Variants in ATP1A3 observed in about 807,000 individuals in gnomAD.
ATP1A3 encodes ATPase Na+/K+ transporting subunit alpha 3, also known as sodium/potassium-transporting ATPase subunit alpha-3.
In ATP1A3, 12 loss-of-function variants were observed where a neutral mutation model predicts 108.8. The ratio of observed to expected loss-of-function variants is 0.11; its 90% CI spans 0.07 to 0.18. The LOEUF (loss-of-function observed/expected upper bound fraction) is 0.18. Ranked by LOEUF, ATP1A3 falls within the 10% of genes least tolerant of loss-of-function variation. ATP1A3 has a pLI of 1.00. For synonymous variants in ATP1A3, 539 were observed against 564.5 expected, an observed-to-expected ratio of 0.95 and a Z score of 0.64; for missense variants, 498 against 1,387.7, an observed-to-expected ratio of 0.36 and a Z score of 10.19.
intron 4 of ATP1A3, among the ~76,000 whole-genome samples, chr19:41,987,042 C>T (rs1250131694): frequency 6.6e-6 from 1 of 152,212 alleles, no homozygotes. Context: ...CCATGCCCGA[C>T]TTGTCCATCT....
In ATP1A3 at chr19:41,967,448, T is replaced by A; in HGVS notation, c.2922-108A>T. The A allele has an allele frequency of 7.4e-7, 1 of 1,356,826 alleles. No individual in the cohort carries two copies. Among genetic ancestry groups the A allele is most frequent in the Non-Finnish European group, 1.0e-6 (1 of 986,518 alleles). The allele number at this position is 1,356,826 out of a possible 1,614,324, so 84.0% of individuals were successfully genotyped here. On this transcript the variant is annotated intron_variant, in intron 21 of 22. Coordinates refer to ENST00000648268, the MANE Select transcript of ATP1A3 (RefSeq NM_152296.5). The surrounding 1 kb of genome is among the most constrained non-coding windows in gnomAD (Gnocchi z 4.2). ...GGCAGTCTCCCAGGATCCTTCGTGC[T>A]CACAGGTGGAGGGTGCCCTGGGCGG...
At chr19:41,993,769 G>T in intron 1 of ATP1A3, 1 of 608,636 alleles carries the variant, frequency 1.6e-6, no homozygotes, top group Non-Finnish European at 2.9e-6. Flanking sequence ...AGAGCCAGCA[G>T]CTCTCATACG....
chr19:41,991,911 G>A (rs1568869183), intron 1 of ATP1A3, among the ~76,000 whole-genome samples: 1 of 150,282 alleles, frequency 6.7e-6, no homozygotes, highest in Admixed American at 6.6e-5. Context: ...GGAGGGGCTG[G>A]GCCTGGACCC....
intron 11 of ATP1A3, among the ~76,000 whole-genome samples, chr19:41,979,731 G>A (rs925931326): frequency 9.9e-5 from 15 of 152,126 alleles, no homozygotes; most frequent in Admixed American, 9.8e-4. Context: ...AGAGATGTGG[G>A]GTTTCTTTTT....
Position 41,967,090 on chromosome 19 carries a change from C to T in ATP1A3, c.3014-125G>A. ...ACAAGGAAACCACACAGACAGAGAC[C>T]CGTGAGAAGACAGAGTGGGTGCCCG... On this transcript the variant is annotated intron_variant, in intron 22 of 22. Coordinates refer to ENST00000648268, the MANE Select transcript of ATP1A3 (RefSeq NM_152296.5). The surrounding 1 kb of genome is among the most constrained non-coding windows in gnomAD (Gnocchi z 4.2). 2 of 1,551,946 alleles carry T rather than the reference C, an allele frequency of 1.3e-6. No individual in the cohort carries two copies. The highest frequency in any genetic ancestry group is 1.7e-6 in the Non-Finnish European group (2 of 1,147,246).
intron 8 of ATP1A3, among the ~76,000 whole-genome samples, chr19:41,982,574 C>T (rs890169232): frequency 2.0e-5 from 3 of 151,224 alleles, no homozygotes; most frequent in East Asian, 1.9e-4. Context: ...TGCAGTGATC[C>T]GAAATCGTGA....
chr19:41,989,198 C>T (rs1555866566), intron 1 of ATP1A3, among the ~76,000 whole-genome samples: 1 of 152,124 alleles, frequency 6.6e-6, no homozygotes, highest in African/African-American at 2.4e-5. Flanking sequence ...CTTTAGCCTC[C>T]CAAACTGTTG....
intron 4 of ATP1A3, among the ~76,000 whole-genome samples, chr19:41,987,349 TGA>T (rs2075296494): frequency 6.6e-6 from 1 of 152,198 alleles, no homozygotes; most frequent in Non-Finnish European, 1.5e-5. Context: ...AGTGTGTGTG[TGA>T]GTTTCTCTGT....
chr19:41,974,124 G>A (rs1052520399), intron 16 of ATP1A3, among the ~76,000 whole-genome samples: 6 of 152,088 alleles, frequency 3.9e-5, no homozygotes, highest in Non-Finnish European at 7.4e-5. Context: ...CTAGCTACTC[G>A]GGAGGCTGAA....
At position 41,978,423 on chromosome 19, in the gene ATP1A3, T is replaced by A; in HGVS notation, c.1631-97A>T. On this transcript the variant is annotated intron_variant, in intron 12 of 22. Coordinates refer to ENST00000648268, the MANE Select transcript of ATP1A3 (RefSeq NM_152296.5). This position sits in a 1 kb window ranked among gnomAD's most constrained non-coding sequence, Gnocchi z 8.3. ...GCATCGCCCGCATTCCATCTCCCCA[T>A]CAGCAAGACGGCCAGTCAGCATTCA... is the stretch of plus-strand genomic sequence containing the variant. 6.7e-7 allele frequency: 1 copy of A among 1,495,884 alleles called. No homozygotes were observed. Among genetic ancestry groups the A allele is most frequent in the South Asian group, 1.2e-5 (1 of 83,420 alleles). 92.7% of individuals were successfully genotyped at this position (1,495,884 alleles called of 1,614,324 possible). A position where few individuals can be genotyped will look rare whatever the true frequency, so the allele number is the denominator to read the frequency against.
intron 14 of ATP1A3, 74 bp downstream of exon 14, chr19:41,977,862 T>A (rs1395638207): frequency 3.3e-5 from 52 of 1,573,806 alleles, no homozygotes; most frequent in Non-Finnish European, 4.5e-5. Context: ...CAGAGGGAGG[T>A]TGGGGGGAAG....
chr19:41,993,957 G>A, intron 1 of ATP1A3, 114 bp downstream of exon 1: 3 of 1,545,124 alleles, frequency 1.9e-6, no homozygotes, highest in African/African-American at 1.4e-5. Context: ...CCCGGGTCTC[G>A]CAGGCCTGGC....
At position 41,988,166 on chromosome 19, in the gene ATP1A3, C is replaced by T. The variant is rs1555866112; in HGVS notation, c.154-27G>A. The T allele has an allele frequency of 6.2e-7, 1 of 1,614,050 alleles. No individual in the cohort carries two copies. The highest frequency in any genetic ancestry group is 8.5e-7 in the Non-Finnish European group (1 of 1,179,958). On this transcript the variant is annotated intron_variant, in intron 3 of 22. Transcript: ENST00000648268. The surrounding 1 kb of genome is among the most constrained non-coding windows in gnomAD (Gnocchi z 5.3). ...TGAGGGACAGAGGACTCACACAGAA[C>T]CCTCCCTGGGCAACCCTGGCACCCC...
chr19:41,967,263 C>T lies in ATP1A3; in HGVS notation c.2999G>A (p.Arg1000His). 4 of 1,614,014 alleles carry T rather than the reference C, an allele frequency of 2.5e-6. No homozygotes were observed. The highest frequency in any genetic ancestry group is 2.2e-5 in the East Asian group (1 of 44,872). ...VYDEIRKLIL[R>H]RNPGGWVEKE... ...AGCTCCCTCACCCCCTGGGTTCCTGCGCAGGATGAGTTTGCGGATTTCGTC... is the reference window on the plus strand; with the variant it reads ...AGCTCCCTCACCCCCTGGGTTCCTGTGCAGGATGAGTTTGCGGATTTCGTC... Residue 1000 changes from arginine to histidine, a missense_variant, in exon 22 of 23, where the codon CGC becomes CAC. Coordinates refer to ENST00000648268, the MANE Select transcript of ATP1A3 (RefSeq NM_152296.5). The surrounding 1 kb of genome is among the most constrained non-coding windows in gnomAD (Gnocchi z 4.2).
chr19:41,991,403 T>C (rs1417856851), intron 1 of ATP1A3, among the ~76,000 whole-genome samples: 4 of 152,140 alleles, frequency 2.6e-5, no homozygotes, highest in Non-Finnish European at 4.4e-5. Context: ...GCAGCAGCAC[T>C]GCGTCTCAGA....
chr19:41,966,916 G>A lies in ATP1A3; in HGVS notation c.*21C>T. The A allele has an allele frequency of 2.6e-6, 4 of 1,551,492 alleles. No individual in the cohort carries two copies. The highest frequency in any genetic ancestry group is 3.5e-6 in the Non-Finnish European group (4 of 1,147,002). On this transcript the variant is annotated 3_prime_UTR_variant, in exon 23 of 23. Transcript: ENST00000648268. ...GGGCCTGGGGGACGGGGAAGAGATG[G>A]GCGATGTGGTGGGGCTGAGGTCAGT...
rs2075195974 is a variant in ATP1A3, at chr19:41,978,463, T to C, written c.1631-137A>G. 2.9e-5 allele frequency: 42 copies of C among 1,472,642 alleles called. No homozygotes were observed. In the South Asian group the frequency reaches 4.8e-4, roughly 17 times the overall value. The allele number at this position is 1,472,642 out of a possible 1,614,324, so 91.2% of individuals were successfully genotyped here. A position where few individuals can be genotyped will look rare whatever the true frequency, so the allele number is the denominator to read the frequency against. ...GTCAGCATTCATTTCCTAGGATACC[T>C]TCCCCTCTCATCCATCCATTCATTC... is the stretch of plus-strand genomic sequence containing the variant. On this transcript the variant is annotated intron_variant, in intron 12 of 22. Coordinates refer to ENST00000648268, the MANE Select transcript of ATP1A3 (RefSeq NM_152296.5). This position sits in a 1 kb window ranked among gnomAD's most constrained non-coding sequence, Gnocchi z 8.3.
chr19:41,986,477 C>T (rs1410074033), intron 4 of ATP1A3: 6 of 399,906 alleles, frequency 1.5e-5, no homozygotes, highest in African/African-American at 1.0e-4. Flanking sequence ...GAGTCTCACT[C>T]TGTCGCCCAG....
chr19:41,970,929 G>T (rs1295145648), intron 16 of ATP1A3, among the ~76,000 whole-genome samples: 1 of 151,446 alleles, frequency 6.6e-6, no homozygotes, highest in Admixed American at 6.6e-5. Context: ...ACCGCGCCCG[G>T]CCTGTCCAGC....
Sources: gnomAD v4.1 joint callset for allele counts (sites outside exome capture counted in the v4.1 genomes callset) on GRCh38, gnomAD v4.1.1 for gene constraint, Gnocchi (gnomAD v3.1) non-coding constraint, MANE v1.5 for transcripts, NCBI Gene and HGNC (gene_info 2026-07-23, HGNC 2026-07-21) for gene names.